The following MRPL58 variants were observed in gnomAD, a reference collection of about 807,000 sequenced individuals.
MRPL58 encodes large ribosomal subunit protein mL62.
In MRPL58, 17 loss-of-function variants were observed where a neutral mutation model predicts 26.0. The ratio of observed to expected loss-of-function variants is 0.65; its 90% CI spans 0.45 to 0.98. MRPL58 has a LOEUF of 0.98. Ranked by LOEUF, MRPL58 falls within the 50% of genes least tolerant of loss-of-function variation. The pLI, the probability that MRPL58 is intolerant of heterozygous loss-of-function variation, is 0.00. For synonymous variants in MRPL58, 100 were observed against 99.7 expected (o/e 1.00, Z -0.02); for missense variants, 250 against 269.0 (o/e 0.93, Z 0.49).
intron 1 of MRPL58, among the ~76,000 whole-genome samples, chr17:75,016,031 C>T (rs555688138): frequency 2.5e-3 from 312 of 125,214 alleles, no homozygotes; most frequent in Admixed American, 5.7e-3. Flanking sequence ...GTGATCCACC[C>T]GTCTCGGCCT....
At position 75,020,406 on chromosome 17, in the gene MRPL58, T is replaced by TC; in HGVS notation, c.366+14dup. ...AAGATAGCCATCACGGTAACCACCATCCCTTTCTTTCCCTAGAAATCCCTC... is the reference window on the plus strand; with the variant it reads ...AAGATAGCCATCACGGTAACCACCATCCCCTTTCTTTCCCTAGAAATCCCTC... On this transcript the variant is annotated intron_variant, in intron 4 of 5. Coordinates refer to ENST00000301585, the MANE Select transcript of MRPL58 (RefSeq NM_001545.3). The TC allele has an allele frequency of 6.2e-7, 1 of 1,614,050 alleles. No individual in the cohort carries two copies. The highest frequency in any genetic ancestry group is 8.5e-7 in the Non-Finnish European group (1 of 1,179,914).
rs537467904 is a variant in MRPL58, at chr17:75,020,966, T to C, written c.582T>C (p.His194=). 9.3e-6 allele frequency: 15 copies of C among 1,614,038 alleles called. 1 individual carries two copies. In the African/African-American group the frequency reaches 9.3e-5, roughly 10 times the overall value. Residue 194 remains histidine, a synonymous_variant, in exon 6 of 6, where the codon CAT becomes CAC. Transcript: ENST00000301585. Reference sequence around the variant, plus strand: ...AAAGGCTGAGACAAAAGAGAATTCATTCTGCTGTAAAGACAAGCAGGAGGG... The same window carrying C: ...AAAGGCTGAGACAAAAGAGAATTCACTCTGCTGTAAAGACAAGCAGGAGGG... ...NRERLRQKRI[H]SAVKTSRRVD...
chr17:75,017,927 C>CA (rs2039986058), intron 2 of MRPL58, among the ~76,000 whole-genome samples: 6 of 88,540 alleles, frequency 6.8e-5, no homozygotes, highest in African/African-American at 3.9e-4. Flanking sequence ...CTGTCTCAGA[C>CA]GAAAAAAAAA....
At chr17:75,013,348 C>T (rs780445771) in intron 1 of MRPL58, among the ~76,000 whole-genome samples, 1 of 152,128 alleles carries the variant, frequency 6.6e-6, no homozygotes, top group South Asian at 2.1e-4. Flanking sequence ...GAATCAAGCC[C>T]CGGAGCAAGA....
chr17:75,017,103 A>C lies in MRPL58; in HGVS notation c.212A>C (p.Asp71Ala). The C allele has an allele frequency of 6.2e-7, 1 of 1,612,648 alleles. No homozygotes were observed. The highest frequency in any genetic ancestry group is 8.5e-7 in the Non-Finnish European group (1 of 1,178,612). Residue 71 changes from aspartate (D) to alanine (A), a missense_variant, in exon 2 of 6, where the codon GAC becomes GCC. Transcript: ENST00000301585. ...AATGGTGCAAAGCAAGCCGACAGTG[A>C]CATCCCTCTAGGTAAGTAATTTTGT... ...VPNGAKQADS[D>A]IPLDRLTISY...
chr17:75,020,998 T>C lies in MRPL58; in HGVS notation c.614T>C (p.Met205Thr), dbSNP rs1163443422. ...SAVKTSRRVDMD is the reference protein window; with the variant it reads ...SAVKTSRRVDTD Reference sequence around the variant, plus strand: ...GTAAAGACAAGCAGGAGGGTCGACATGGACTGAAATCACCCTCTGCAGCTG... The same window carrying C: ...GTAAAGACAAGCAGGAGGGTCGACACGGACTGAAATCACCCTCTGCAGCTG... Residue 205 changes from methionine (M) to threonine (T), a missense_variant, in exon 6 of 6, where the codon ATG becomes ACG. Met to Thr is a moderately conservative substitution (Grantham distance 81). Transcript: ENST00000301585. The C allele has an allele frequency of 1.2e-6, 2 of 1,612,244 alleles. No homozygotes were observed. The highest frequency in any genetic ancestry group is 1.7e-5 in the Admixed American group (1 of 60,018).
Position 75,012,742 on chromosome 17 carries a change from TC to T in MRPL58, c.59del (p.Pro20HisfsTer55). The T allele has an allele frequency of 6.3e-7, 1 of 1,584,878 alleles. No individual in the cohort carries two copies. Among genetic ancestry groups the T allele is most frequent in the Non-Finnish European group, 8.6e-7 (1 of 1,167,688 alleles). On this transcript the variant is annotated frameshift_variant, in exon 1 of 6. Transcript: ENST00000301585. LOFTEE classifies it high-confidence loss of function. ...CTGAGCCGAGCCGGAGTCTGGCTGC[TC>T]CCACCGCCCGCACGGTGCCCACGCC... ...WGLSRAGVWLLPPPARCPRRA... is the reference protein window; with the variant it reads ...WGLSRAGVWLXPPPARCPRRA...
At chr17:75,019,807 G>A in intron 3 of MRPL58, 48 bp downstream of exon 3, 1 of 1,500,536 alleles carries the variant, frequency 6.7e-7, no homozygotes, top group Non-Finnish European at 9.2e-7. Context: ...GTAGCTGGGA[G>A]ATGGGCTTGA....
intron 1 of MRPL58, among the ~76,000 whole-genome samples, chr17:75,015,341 G>A (rs921232366): frequency 3.3e-5 from 5 of 152,112 alleles, no homozygotes; most frequent in Admixed American, 6.5e-5. Context: ...AAAATTAGTC[G>A]GGCGTGGTGG....
intron 1 of MRPL58, among the ~76,000 whole-genome samples, chr17:75,014,979 T>C (rs946745627): frequency 3.3e-5 from 5 of 152,116 alleles, no homozygotes; most frequent in African/African-American, 1.2e-4. Context: ...AGGGAAAATA[T>C]CAGGTAGTGA....
chr17:75,017,816 C>T (rs1240873600), intron 2 of MRPL58, among the ~76,000 whole-genome samples: 2 of 151,018 alleles, frequency 1.3e-5, no homozygotes, highest in Admixed American at 6.6e-5. Context: ...CCCAGCTACT[C>T]GGAAGGCTGA....
chr17:75,016,283 G>A (rs2039973552), intron 1 of MRPL58, among the ~76,000 whole-genome samples: 7 of 151,926 alleles, frequency 4.6e-5, no homozygotes, highest in Admixed American at 4.6e-4. Context: ...AGGCATGGTG[G>A]CATGCGCCTG....
rs1227780671 is a variant in MRPL58, at chr17:75,020,629, AAAG to A, written c.513_515del (p.Glu171del). ...CAGCCAGACACCGAAGGAGCCAACA[AAAG>A]AAGATGTTAAACTTCATAGAATCAG... is the stretch of plus-strand genomic sequence containing the variant. On this transcript the variant is annotated inframe_deletion, in exon 5 of 6. Transcript: ENST00000301585. 1.2e-5 allele frequency: 20 copies of A among 1,614,080 alleles called. No individual in the cohort carries two copies. Among genetic ancestry groups the A allele is most frequent in the African/African-American group, 2.7e-5 (2 of 74,924 alleles).
chr17:75,016,954 G>C (rs1043838600), intron 1 of MRPL58, 124 bp from the exon 2 acceptor site: 2 of 763,596 alleles, frequency 2.6e-6, no homozygotes, highest in Middle Eastern at 2.5e-4. Flanking sequence ...TTTTGCAGGG[G>C]ACCTGAAAAT....
chr17:75,015,250 G>A (rs868411800), intron 1 of MRPL58, among the ~76,000 whole-genome samples: 2 of 152,176 alleles, frequency 1.3e-5, no homozygotes, highest in Admixed American at 6.5e-5. Flanking sequence ...ACTTTGAGAG[G>A]CCAAGGGTAG....
intron 1 of MRPL58, among the ~76,000 whole-genome samples, chr17:75,014,569 G>C (rs528298479): frequency 6.7e-6 from 1 of 150,286 alleles, no homozygotes; most frequent in Non-Finnish European, 1.5e-5. Flanking sequence ...TCAGCCTCCC[G>C]AGTAGCTGGG....
chr17:75,015,356 C>T (rs893596364), intron 1 of MRPL58, among the ~76,000 whole-genome samples: 12 of 152,128 alleles, frequency 7.9e-5, no homozygotes, highest in African/African-American at 1.7e-4. Context: ...TGGTGGCACA[C>T]GCCTGTAGTC....
intron 2 of MRPL58, among the ~76,000 whole-genome samples, chr17:75,018,301 G>A (rs1407082030): frequency 2.0e-5 from 3 of 150,880 alleles, no homozygotes; most frequent in African/African-American, 7.3e-5. Flanking sequence ...GCCCGATCTC[G>A]GCTCACTGCA....
chr17:75,012,783 C>G lies in MRPL58; in HGVS notation c.97C>G (p.Gln33Glu), dbSNP rs150811008. The part of the protein sequence containing the change: ...ARCPRRALHK[Q>E]KDGTEFKSIY... ...GTGCCCACGCCGGGCGCTGCACAAG[C>G]AGAAAGACGGCACTGAGTTCAAGAG... is the stretch of plus-strand genomic sequence containing the variant. Residue 33 changes from glutamine to glutamate, a missense_variant, in exon 1 of 6, where the codon CAG (glutamine) becomes GAG (glutamate). By Grantham distance (29) the Gln-to-Glu change is conservative (BLOSUM62 2). Coordinates refer to ENST00000301585, the MANE Select transcript of MRPL58 (RefSeq NM_001545.3). 2 of 1,607,558 alleles carry G rather than the reference C, an allele frequency of 1.2e-6. No individual in the cohort carries two copies. The highest frequency in any genetic ancestry group is 2.7e-5 in the African/African-American group (2 of 74,548).
Sources: gnomAD v4.1 joint callset for allele counts (sites outside exome capture counted in the v4.1 genomes callset) on GRCh38, gnomAD v4.1.1 for gene constraint, MANE v1.5 for transcripts, NCBI Gene and HGNC (gene_info 2026-07-23, HGNC 2026-07-21) for gene names.